The following SDK1 variants were observed in gnomAD, a reference collection of about 807,000 sequenced individuals.
SDK1 encodes the protein sidekick cell adhesion molecule 1.
Under a neutral mutation model 245.5 loss-of-function variants are expected in SDK1, and 157 were observed. The ratio of observed to expected loss-of-function variants is 0.64; its 90% CI spans 0.56 to 0.73. The LOEUF is 0.73. Ranked by LOEUF, SDK1 falls within the 30% of genes least tolerant of loss-of-function variation. The pLI is 0.00. For synonymous variants in SDK1, 1,647 were observed against 1,278.5 expected (o/e 1.29, Z -6.15); for missense variants, 3,583 against 3,002.3 (o/e 1.19, Z -4.52).
intron 9 of SDK1, among the ~76,000 whole-genome samples, chr7:3,964,451 T>G (rs79540188): frequency 1.3e-5 from 2 of 152,264 alleles, no homozygotes; most frequent in Non-Finnish European, 2.9e-5. Flanking sequence ...CTTTTTCTTT[T>G]GATCTTTTTT....
intron 2 of SDK1, among the ~76,000 whole-genome samples, chr7:3,633,075 A>G (rs1254749449): frequency 1.3e-5 from 2 of 151,316 alleles, no homozygotes; most frequent in Non-Finnish European, 2.9e-5. Context: ...CTTAACCCAT[A>G]TTTTTTTTTC....
intron 4 of SDK1, among the ~76,000 whole-genome samples, chr7:3,741,191 G>A (rs1035867163): frequency 1.3e-5 from 2 of 152,214 alleles, no homozygotes; most frequent in Non-Finnish European, 2.9e-5. Flanking sequence ...CAGAGAGCTT[G>A]CTGGGACAGT....
chr7:4,230,077 A>AAGGAAGGAAGGAAGGG (rs1785654301), intron 40 of SDK1, among the ~76,000 whole-genome samples: 1 of 115,890 alleles, frequency 8.6e-6, no homozygotes, highest in Non-Finnish European at 1.8e-5. Flanking sequence ...GGAAGGAAGG[A>AAGGAAGGAAGGAAGGG]AGGAAGGGTG....
intron 7 of SDK1, among the ~76,000 whole-genome samples, chr7:3,955,415 C>T (rs1327808834): frequency 6.6e-6 from 1 of 152,198 alleles, no homozygotes; most frequent in Non-Finnish European, 1.5e-5. Context: ...AAATTGGGCC[C>T]ACCCAGCGAA....
rs561144600 is a variant in SDK1, at chr7:3,909,887, A to C, written c.848-41036A>C. On this transcript the variant is annotated intron_variant, in intron 5 of 44. Coordinates refer to ENST00000404826, the MANE Select transcript of SDK1 (RefSeq NM_152744.4). ...ACAGGATGGAAATGCAGCTTTGAAA[A>C]CCTATAATGAGCAGGAGGGATTATT... is the stretch of plus-strand genomic sequence containing the variant. Among the ~76,000 whole-genome samples the C allele has an allele frequency of 5.8e-4, 89 of 152,204 alleles. 1 individual carries two copies. Among genetic ancestry groups the C allele is most frequent in the African/African-American group, 2.1e-3 (87 of 41,518 alleles).
chr7:4,197,791 G>C (rs1783669429), intron 35 of SDK1, among the ~76,000 whole-genome samples: 1 of 152,210 alleles, frequency 6.6e-6, no homozygotes, highest in Non-Finnish European at 1.5e-5. Context: ...AGGCGCTCCT[G>C]ACCTTCAGAT....
At chr7:3,577,435 T>C (rs1780330043) in intron 1 of SDK1, among the ~76,000 whole-genome samples, 1 of 151,952 alleles carries the variant, frequency 6.6e-6, no homozygotes, top group Non-Finnish European at 1.5e-5. Flanking sequence ...TGAGACGTGC[T>C]CCCTTTACTG....
chr7:3,357,872 G>A (rs1310723847), intron 1 of SDK1, among the ~76,000 whole-genome samples: 3 of 152,132 alleles, frequency 2.0e-5, no homozygotes, highest in Non-Finnish European at 4.4e-5. Flanking sequence ...CAGGCTCTTA[G>A]TTATGTGTGG....
chr7:3,583,540 C>T (rs540360889), intron 1 of SDK1, among the ~76,000 whole-genome samples: 1 of 152,178 alleles, frequency 6.6e-6, no homozygotes, highest in Non-Finnish European at 1.5e-5. Flanking sequence ...GTTCATAGCA[C>T]TGATTTCTTT....
chr7:3,978,601 C>G (rs190558842), intron 13 of SDK1, among the ~76,000 whole-genome samples: 4 of 152,236 alleles, frequency 2.6e-5, no homozygotes, highest in Admixed American at 1.3e-4. Flanking sequence ...CATGGGGTGT[C>G]TTTAGATCCA....
intron 5 of SDK1, among the ~76,000 whole-genome samples, chr7:3,895,814 T>C (rs988586020): frequency 3.9e-5 from 6 of 152,336 alleles, no homozygotes; most frequent in African/African-American, 1.4e-4. Flanking sequence ...TATCTTCTAA[T>C]TCCCTTTGCA....
chr7:3,643,678 A>C (rs868217963), intron 4 of SDK1: 5 of 136,330 alleles, frequency 3.7e-5, no homozygotes, highest in Non-Finnish European at 7.7e-5. Context: ...CATCTGTGGA[A>C]TCCCTTCCCT....
At chr7:4,065,536 G>C (rs1415058781) in intron 19 of SDK1, among the ~76,000 whole-genome samples, 1 of 152,104 alleles carries the variant, frequency 6.6e-6, no homozygotes, top group Non-Finnish European at 1.5e-5. Flanking sequence ...AAATCTGTCA[G>C]AATGTCTTTC....
intron 1 of SDK1, among the ~76,000 whole-genome samples, chr7:3,420,194 T>C (rs1226476001): frequency 6.6e-6 from 1 of 152,258 alleles, no homozygotes; most frequent in African/African-American, 2.4e-5. Context: ...GATACTATTA[T>C]AGCAGAATTA....
At chr7:3,478,648 T>G (rs560039482) in intron 1 of SDK1, among the ~76,000 whole-genome samples, 16 of 152,108 alleles carry the variant, frequency 1.1e-4, no homozygotes, top group Non-Finnish European at 2.2e-4. Context: ...TATTAGACTT[T>G]CCAAAGAATC....
intron 4 of SDK1, among the ~76,000 whole-genome samples, chr7:3,763,395 A>G (rs1003542618): frequency 6.6e-6 from 1 of 152,212 alleles, no homozygotes; most frequent in African/African-American, 2.4e-5. Context: ...TAAAGTGAAC[A>G]TCCATATACT....
intron 1 of SDK1, among the ~76,000 whole-genome samples, chr7:3,418,491 G>T (rs190648807): frequency 1.6e-4 from 25 of 152,038 alleles, no homozygotes; most frequent in African/African-American, 6.0e-4. Context: ...TCAGCCAAAA[G>T]TACAGTCATT....
Position 3,915,523 on chromosome 7 carries a change from C to T in SDK1, c.848-35400C>T, listed in dbSNP as rs543661723. ...TTCGCTTGGCCCTCATTCTGTGTTT[C>T]CCACCTCCATGTAAGACATCCTTTT... is the stretch of plus-strand genomic sequence containing the variant. On this transcript the variant is annotated intron_variant, in intron 5 of 44. Transcript: ENST00000404826. 3.4e-4 allele frequency among the ~76,000 whole-genome samples: 52 copies of T among 152,244 alleles called. No homozygotes were observed. In the South Asian group the frequency reaches 1.0e-2, roughly 29 times the overall value.
chr7:3,971,045 G>C (rs1480912818), intron 11 of SDK1, among the ~76,000 whole-genome samples: 1 of 152,186 alleles, frequency 6.6e-6, no homozygotes, highest in East Asian at 1.9e-4. Flanking sequence ...CCTCACAAGA[G>C]TGTCTTGAGG....
Sources: allele counts gnomAD v4.1 joint callset (sites outside exome capture counted in the v4.1 genomes callset), GRCh38; gene constraint gnomAD v4.1.1; transcripts MANE v1.5; gene names NCBI Gene and HGNC (gene_info 2026-07-23, HGNC 2026-07-21).